Variants in CUBN observed in about 807,000 individuals in gnomAD.
The protein encoded by CUBN is cubilin.
CUBN carries 282 observed loss-of-function variants against 405.3 expected under a neutral mutation model. That is an observed-to-expected ratio of 0.70 (90% confidence interval 0.63 to 0.77). CUBN has a LOEUF of 0.77. CUBN is among the 30% of genes least tolerant of loss of function. The pLI, the probability that CUBN is intolerant of heterozygous loss-of-function variation, is 0.00. For synonymous variants in CUBN, 1,684 were observed against 1,617.0 expected (o/e 1.04, Z -0.99); for missense variants, 4,514 against 4,475.2 (o/e 1.01, Z -0.25).
intron 59 of CUBN, among the ~76,000 whole-genome samples, chr10:16,865,854 T>C (rs1427229636): frequency 2.6e-5 from 4 of 152,098 alleles, no homozygotes; most frequent in Admixed American, 1.3e-4. Context: ...CTGCTACCGC[T>C]CACTCTTTGG....
chr10:16,878,124 C>A (rs559887888), intron 56 of CUBN, among the ~76,000 whole-genome samples: 1 of 152,260 alleles, frequency 6.6e-6, no homozygotes, highest in South Asian at 2.1e-4. Context: ...CCTGTCTCTA[C>A]TAAAAATACA....
At chr10:16,917,152 A>G (rs1254518681) in intron 45 of CUBN, among the ~76,000 whole-genome samples, 1 of 152,046 alleles carries the variant, frequency 6.6e-6, no homozygotes, top group African/African-American at 2.4e-5. Flanking sequence ...TTGGCACTAG[A>G]GACTCAGAGA....
intron 27 of CUBN, 44 bp downstream of exon 27, chr10:17,040,989 T>C (rs1381866532): frequency 6.4e-7 from 1 of 1,568,756 alleles, no homozygotes; most frequent in South Asian, 1.1e-5. Context: ...CACATCTCCC[T>C]TGATCTGAAA....
At chr10:16,876,295 C>T (rs1840497527) in intron 57 of CUBN, among the ~76,000 whole-genome samples, 1 of 152,120 alleles carries the variant, frequency 6.6e-6, no homozygotes, top group Admixed American at 6.6e-5. Context: ...TATTCAAGAT[C>T]AGGAAATGCA....
chr10:17,071,999 A>C (rs570159059), intron 17 of CUBN, 28 bp from the exon 18 acceptor site: 1 of 1,587,676 alleles, frequency 6.3e-7, no homozygotes, highest in African/African-American at 1.3e-5. Flanking sequence ...ATAGAGATGT[A>C]ATTCAAATAA....
At chr10:16,955,534 T>C (rs1843036890) in intron 31 of CUBN, among the ~76,000 whole-genome samples, 1 of 152,118 alleles carries the variant, frequency 6.6e-6, no homozygotes, top group Admixed American at 6.5e-5. Context: ...ATCTCTGTAT[T>C]GATTTGTAAA....
intron 60 of CUBN, among the ~76,000 whole-genome samples, chr10:16,850,686 T>A (rs1473109600): frequency 1.3e-5 from 2 of 152,168 alleles, no homozygotes; most frequent in African/African-American, 4.8e-5. Flanking sequence ...TTGGCCAGGC[T>A]GGTCTCAAAC....
intron 31 of CUBN, among the ~76,000 whole-genome samples, chr10:16,967,984 A>G (rs1010010332): frequency 7.9e-6 from 1 of 126,090 alleles, no homozygotes; most frequent in South Asian, 2.6e-4. Context: ...GGAGAGAGAG[A>G]GAGGAAAAGA....
At chr10:16,972,296 T>C in intron 31 of CUBN, among the ~76,000 whole-genome samples, 1 of 152,080 alleles carries the variant, frequency 6.6e-6, no homozygotes, top group East Asian at 1.9e-4. Flanking sequence ...ATACAGAAAT[T>C]ATCCTCAATT....
At chr10:16,974,501 G>A (rs1259499219) in intron 31 of CUBN, among the ~76,000 whole-genome samples, 1 of 151,318 alleles carries the variant, frequency 6.6e-6, no homozygotes, top group African/African-American at 2.4e-5. Context: ...TTGGCTCAAT[G>A]CAAGCTCTGC....
At chr10:17,079,989 A>G (rs1835933683) in intron 17 of CUBN, among the ~76,000 whole-genome samples, 1 of 152,114 alleles carries the variant, frequency 6.6e-6, no homozygotes. Context: ...AAGGTGGTGA[A>G]AGAAAAGGTT....
chr10:16,891,507 G>A (rs1227697349), intron 54 of CUBN, among the ~76,000 whole-genome samples: 1 of 152,002 alleles, frequency 6.6e-6, no homozygotes, highest in Non-Finnish European at 1.5e-5. Context: ...TTAGAGACTC[G>A]GGCCACTGTC....
intron 27 of CUBN, among the ~76,000 whole-genome samples, chr10:17,028,216 A>G (rs1182946450): frequency 7.6e-6 from 1 of 131,220 alleles, no homozygotes; most frequent in African/African-American, 2.8e-5. Flanking sequence ...CTACAGTAAA[A>G]CACTAAACAT....
intron 36 of CUBN, 109 bp downstream of exon 36, chr10:16,947,126 T>C: frequency 8.3e-7 from 1 of 1,202,504 alleles, no homozygotes; most frequent in Non-Finnish European, 1.2e-6. Context: ...TTTGGAAAAA[T>C]ACTTCCTAAA....
intron 28 of CUBN, among the ~76,000 whole-genome samples, chr10:17,006,443 C>A (rs919650391): frequency 6.6e-6 from 1 of 152,114 alleles, no homozygotes; most frequent in Non-Finnish European, 1.5e-5. Flanking sequence ...AAAGATAAAA[C>A]CTTTGTCTTT....
At chr10:16,914,108 C>A (rs1436485283) in intron 47 of CUBN, 116 bp from the exon 48 acceptor site, 1 of 1,103,416 alleles carries the variant, frequency 9.1e-7, no homozygotes, top group African/African-American at 1.6e-5. Flanking sequence ...AAATTAGTCT[C>A]CATATTTATT....
chr10:16,975,654 A>C (rs1347070271), intron 31 of CUBN, among the ~76,000 whole-genome samples: 1 of 132,844 alleles, frequency 7.5e-6, no homozygotes. Context: ...TTTTTTGAGA[A>C]GGAGTCTCGC....
chr10:16,907,824 C>T, intron 48 of CUBN, 145 bp from the exon 49 acceptor site: 1 of 819,622 alleles, frequency 1.2e-6, no homozygotes, highest in Non-Finnish European at 2.0e-6. Flanking sequence ...GTTTCTATCG[C>T]AGTGCCACAA....
chr10:16,852,697 A>G (rs1839754227), intron 59 of CUBN, among the ~76,000 whole-genome samples: 1 of 152,210 alleles, frequency 6.6e-6, no homozygotes, highest in Admixed American at 6.5e-5. Context: ...ATCCAGTTTT[A>G]TACAAAATCA....
Sources: gnomAD v4.1 joint callset for allele counts (sites outside exome capture counted in the v4.1 genomes callset) on GRCh38, gnomAD v4.1.1 for gene constraint, MANE v1.5 for transcripts, NCBI Gene and HGNC (gene_info 2026-07-23, HGNC 2026-07-21) for gene names.